The following PDE10A variants were observed in gnomAD, a reference collection of about 807,000 sequenced individuals.
PDE10A encodes cAMP and cAMP-inhibited cGMP 3',5'-cyclic phosphodiesterase 10A.
Under a neutral mutation model 97.7 loss-of-function variants are expected in PDE10A, and 39 were observed. The ratio of observed to expected loss-of-function variants is 0.40; its 90% CI spans 0.31 to 0.52. PDE10A has a LOEUF of 0.52. Among genes scored for constraint, PDE10A ranks in the 20% least tolerant of loss-of-function variants. The pLI is 0.56. For synonymous variants in PDE10A, 371 were observed against 376.8 expected (o/e 0.98, Z 0.18); for missense variants, 731 against 1,047.8 (o/e 0.70, Z 4.17).
chr6:165,890,554 C>T (rs1248120120), intron 1 of PDE10A, among the ~76,000 whole-genome samples: 2 of 152,108 alleles, frequency 1.3e-5, no homozygotes, highest in African/African-American at 4.8e-5. Context: ...AAAACATTAC[C>T]GCCAGAGTTA....
At chr6:165,967,440 T>A (rs1020725474) in intron 1 of PDE10A, among the ~76,000 whole-genome samples, 8 of 152,192 alleles carry the variant, frequency 5.3e-5, no homozygotes, top group Non-Finnish European at 1.0e-4. Context: ...AAGGTTGCAG[T>A]GAGCCAAGAC....
intron 18 of PDE10A, among the ~76,000 whole-genome samples, chr6:165,374,505 A>G (rs1784485980): frequency 6.6e-6 from 1 of 152,140 alleles, no homozygotes; most frequent in African/African-American, 2.4e-5. Context: ...AGCAAAATTT[A>G]TGAATAAATA....
intron 2 of PDE10A, among the ~76,000 whole-genome samples, chr6:165,521,616 C>A (rs1350757140): frequency 6.6e-6 from 1 of 152,158 alleles, no homozygotes; most frequent in East Asian, 1.9e-4. Context: ...ATTAAATCAG[C>A]CACAATGGTC....
intron 1 of PDE10A, among the ~76,000 whole-genome samples, chr6:165,568,199 C>T (rs1343775592): frequency 6.6e-6 from 1 of 151,992 alleles, no homozygotes; most frequent in Non-Finnish European, 1.5e-5. Flanking sequence ...CGGGGTTTCA[C>T]CATGTTAGAC....
At position 165,658,745 on chromosome 6, in the gene PDE10A, G is replaced by A. The variant is rs115650234; in HGVS notation, c.865+3202C>T. 4.9e-3 allele frequency among the ~76,000 whole-genome samples: 750 copies of A among 152,300 alleles called. 7 individuals are homozygous for A. Among genetic ancestry groups the A allele is most frequent in the African/African-American group, 0.017 (727 of 41,564 alleles). ...TAGGCACAAGAGTTTTTCCTACTCCGATGGCAACTTTGCTCACAAGAAAGC... is the reference window on the plus strand; with the variant it reads ...TAGGCACAAGAGTTTTTCCTACTCCAATGGCAACTTTGCTCACAAGAAAGC... On this transcript the variant is annotated intron_variant, in intron 1 of 21. Coordinates refer to ENST00000539869, the MANE Select transcript of PDE10A (RefSeq NM_001385079.1).
chr6:165,445,687 G>C (rs1189930145), intron 5 of PDE10A, among the ~76,000 whole-genome samples: 1 of 152,196 alleles, frequency 6.6e-6, no homozygotes, highest in Non-Finnish European at 1.5e-5. Context: ...CATGTGGATT[G>C]GACTCTTGAA....
chr6:165,957,213 G>T (rs1784159839), intron 1 of PDE10A, among the ~76,000 whole-genome samples: 1 of 152,190 alleles, frequency 6.6e-6, no homozygotes, highest in African/African-American at 2.4e-5. Context: ...AGCCCAGTGG[G>T]CTCGTGACTA....
intron 18 of PDE10A, among the ~76,000 whole-genome samples, chr6:165,352,073 C>T (rs892305948): frequency 1.3e-5 from 2 of 152,102 alleles, no homozygotes; most frequent in South Asian, 2.1e-4. Flanking sequence ...AGGCTGGTCT[C>T]GAACTCCTGA....
chr6:165,757,559 C>T (rs117093335), intron 1 of PDE10A, among the ~76,000 whole-genome samples: 165 of 151,974 alleles, frequency 1.1e-3, no homozygotes, highest in East Asian at 2.1e-3. Flanking sequence ...TCCTGGGGTA[C>T]GGCATAAGGT....
chr6:165,569,646 T>C (rs1784954956), intron 1 of PDE10A, among the ~76,000 whole-genome samples: 1 of 152,170 alleles, frequency 6.6e-6, no homozygotes, highest in Admixed American at 6.5e-5. Context: ...GTTCCTCTTG[T>C]CTTGTTAAAC....
chr6:165,717,556 C>T (rs924525683), intron 1 of PDE10A, among the ~76,000 whole-genome samples: 1 of 150,252 alleles, frequency 6.7e-6, no homozygotes, highest in African/African-American at 2.5e-5. Flanking sequence ...TGCATTCCAG[C>T]CTGGGCTACA....
intron 1 of PDE10A, among the ~76,000 whole-genome samples, chr6:165,629,598 G>A (rs532485351): frequency 1.1e-3 from 165 of 146,248 alleles, no homozygotes; most frequent in Non-Finnish European, 1.8e-3. Flanking sequence ...CGATGGTGCC[G>A]TCTCGGCTCA....
chr6:165,951,273 G>A (rs1783949169), intron 1 of PDE10A, among the ~76,000 whole-genome samples: 2 of 152,070 alleles, frequency 1.3e-5, no homozygotes, highest in African/African-American at 4.8e-5. Context: ...CTCCAACATT[G>A]TTTTACGTCT....
intron 20 of PDE10A, among the ~76,000 whole-genome samples, chr6:165,338,942 G>A (rs564969329): frequency 3.9e-5 from 6 of 152,290 alleles, no homozygotes; most frequent in Admixed American, 6.5e-5. Context: ...ATTCCTCACT[G>A]TGGCTTTTAG....
intron 2 of PDE10A, among the ~76,000 whole-genome samples, chr6:165,527,334 C>T (rs1782506366): frequency 6.6e-6 from 1 of 152,196 alleles, no homozygotes; most frequent in African/African-American, 2.4e-5. Context: ...GGCTCTGCAA[C>T]AGGTCCAGGC....
chr6:165,595,826 TCAGAGCATTAATTAATC>T (rs1306398888), intron 1 of PDE10A, among the ~76,000 whole-genome samples: 1 of 152,168 alleles, frequency 6.6e-6, no homozygotes, highest in Admixed American at 6.5e-5. Flanking sequence ...GGGCCTCTTA[TCAGAGCATTAATTAATC>T]CCATTCTCAG....
intron 18 of PDE10A, among the ~76,000 whole-genome samples, chr6:165,344,649 A>C (rs779707504): frequency 3.9e-5 from 6 of 152,318 alleles, no homozygotes; most frequent in Admixed American, 3.9e-4. Flanking sequence ...AGCACATCTT[A>C]GCTCAAGCTA....
intron 1 of PDE10A, among the ~76,000 whole-genome samples, chr6:165,619,503 T>C (rs1787989774): frequency 9.7e-6 from 1 of 103,374 alleles, no homozygotes. Flanking sequence ...TGTAGTCTAG[T>C]GTAGTGTAGT....
intron 1 of PDE10A, among the ~76,000 whole-genome samples, chr6:165,720,617 C>T (rs920829725): frequency 6.6e-6 from 1 of 152,180 alleles, no homozygotes; most frequent in African/African-American, 2.4e-5. Context: ...GATGTGAACA[C>T]CTGTTGGCTG....
Sources: gnomAD v4.1 joint callset for allele counts (sites outside exome capture counted in the v4.1 genomes callset) on GRCh38, gnomAD v4.1.1 for gene constraint, MANE v1.5 for transcripts, NCBI Gene and HGNC (gene_info 2026-07-23, HGNC 2026-07-21) for gene names.